Variants in MACROD2 observed in about 807,000 individuals in gnomAD.
MACROD2 encodes the protein mono-ADP ribosylhydrolase 2, also known as ADP-ribose glycohydrolase MACROD2.
In MACROD2, 36 loss-of-function variants were observed where a neutral mutation model predicts 70.4. That is an observed-to-expected ratio of 0.51 (90% CI 0.39 to 0.68). The LOEUF is 0.68. MACROD2 is among the 30% of genes least tolerant of loss of function. The pLI is 0.00. For synonymous variants in MACROD2, 172 were observed against 178.8 expected (o/e 0.96, Z 0.30); for missense variants, 496 against 538.4 (o/e 0.92, Z 0.78).
chr20:15,091,370 ATAAAAGTTTT>A (rs2075791789), intron 5 of MACROD2, among the ~76,000 whole-genome samples: 1 of 152,174 alleles, frequency 6.6e-6, no homozygotes, highest in Non-Finnish European at 1.5e-5. Context: ...AAAATGAAAA[ATAAAAGTTTT>A]TATGTGATCC....
At chr20:14,524,912 C>T (rs990003756) in intron 4 of MACROD2, among the ~76,000 whole-genome samples, 3 of 152,136 alleles carry the variant, frequency 2.0e-5, no homozygotes, top group South Asian at 2.1e-4. Context: ...AGAACTCGTT[C>T]ACCACACTAG....
intron 5 of MACROD2, chr20:14,758,059 T>C: frequency 1.6e-6 from 1 of 607,554 alleles, no homozygotes; most frequent in Non-Finnish European, 3.0e-6. Context: ...CTCAATAAAT[T>C]TGGAGAGGGT....
At chr20:15,760,554 T>C (rs1478808470) in intron 8 of MACROD2, among the ~76,000 whole-genome samples, 1 of 152,088 alleles carries the variant, frequency 6.6e-6, no homozygotes, top group East Asian at 1.9e-4. Flanking sequence ...ACCCCACGCA[T>C]TCCTTCCTTG....
intron 8 of MACROD2, among the ~76,000 whole-genome samples, chr20:15,620,456 T>C (rs1162074492): frequency 1.3e-5 from 2 of 152,162 alleles, no homozygotes; most frequent in Non-Finnish European, 2.9e-5. Flanking sequence ...CTCTTGCCCC[T>C]TGCCTCCTGG....
chr20:14,871,405 C>A (rs1221505196), intron 5 of MACROD2, among the ~76,000 whole-genome samples: 1 of 152,120 alleles, frequency 6.6e-6, no homozygotes, highest in Non-Finnish European at 1.5e-5. Flanking sequence ...CCCAGGATTT[C>A]ATATATGGCC....
chr20:14,068,088 A>T (rs2053789749), intron 2 of MACROD2, among the ~76,000 whole-genome samples: 1 of 152,234 alleles, frequency 6.6e-6, no homozygotes, highest in South Asian at 2.1e-4. Flanking sequence ...GTTCTTAAAG[A>T]TACAATGCTG....
intron 11 of MACROD2, among the ~76,000 whole-genome samples, chr20:15,935,939 T>G (rs1298959699): frequency 1.3e-5 from 2 of 152,130 alleles, no homozygotes; most frequent in African/African-American, 4.8e-5. Flanking sequence ...AAGTGATAGT[T>G]AAAATGAGAT....
At chr20:15,168,414 A>G (rs563377406) in intron 5 of MACROD2, among the ~76,000 whole-genome samples, 1 of 150,518 alleles carries the variant, frequency 6.6e-6, no homozygotes, top group Non-Finnish European at 1.5e-5. Context: ...GTCAGCTAAA[A>G]GCCTCTTCCT....
At chr20:16,026,577 G>T (rs2067083872) in intron 15 of MACROD2, among the ~76,000 whole-genome samples, 1 of 152,158 alleles carries the variant, frequency 6.6e-6, no homozygotes, top group African/African-American at 2.4e-5. Context: ...ACTAGTGATG[G>T]GGTGGAAATA....
chr20:14,330,557 G>A (rs576395224), intron 3 of MACROD2, among the ~76,000 whole-genome samples: 1 of 152,000 alleles, frequency 6.6e-6, no homozygotes, highest in Non-Finnish European at 1.5e-5. Flanking sequence ...GTTTCTTTTA[G>A]TTTGCTAACT....
chr20:14,132,515 G>A (rs925297115), intron 3 of MACROD2, among the ~76,000 whole-genome samples: 2 of 152,140 alleles, frequency 1.3e-5, no homozygotes, highest in African/African-American at 4.8e-5. Flanking sequence ...CATATAAACA[G>A]CAACACATTT....
intron 8 of MACROD2, among the ~76,000 whole-genome samples, chr20:15,634,382 T>C (rs960521998): frequency 1.3e-5 from 2 of 152,234 alleles, no homozygotes; most frequent in African/African-American, 2.4e-5. Context: ...AATGTCTTTA[T>C]TATTCATAAA....
intron 8 of MACROD2, among the ~76,000 whole-genome samples, chr20:15,782,074 A>G (rs2051843320): frequency 6.6e-6 from 1 of 152,124 alleles, no homozygotes; most frequent in Non-Finnish European, 1.5e-5. Flanking sequence ...CTTAAGTCAC[A>G]AGTCTAGAAA....
intron 5 of MACROD2, among the ~76,000 whole-genome samples, chr20:15,210,385 T>C (rs1216465226): frequency 6.6e-6 from 1 of 152,222 alleles, no homozygotes; most frequent in Non-Finnish European, 1.5e-5. Context: ...TCTGTTTTCC[T>C]GGTCTTATTT....
chr20:16,038,701 A>G (rs1035683304), intron 15 of MACROD2, among the ~76,000 whole-genome samples: 2 of 151,894 alleles, frequency 1.3e-5, no homozygotes, highest in Non-Finnish European at 2.9e-5. Flanking sequence ...GTCTATCCAT[A>G]TGTCATCTCT....
At chr20:15,726,212 T>C (rs116800990) in intron 8 of MACROD2, among the ~76,000 whole-genome samples, 4,403 of 152,228 alleles carry the variant, frequency 0.029, 217 homozygotes, top group African/African-American at 0.099. Context: ...TTAGTTCTCT[T>C]AGGATAATTG....
At chr20:14,255,929 A>C (rs1290263111) in intron 3 of MACROD2, among the ~76,000 whole-genome samples, 1 of 151,626 alleles carries the variant, frequency 6.6e-6, no homozygotes, top group Non-Finnish European at 1.5e-5. Flanking sequence ...TTCTTTTTGC[A>C]GTATTTCATA....
At chr20:14,714,442 A>G (rs2071374096) in intron 5 of MACROD2, among the ~76,000 whole-genome samples, 1 of 152,110 alleles carries the variant, frequency 6.6e-6, no homozygotes, top group African/African-American at 2.4e-5. Context: ...CAAAACATAA[A>G]TTATTGTCAC....
At chr20:14,141,132 G>A (rs2054867823) in intron 3 of MACROD2, among the ~76,000 whole-genome samples, 1 of 152,148 alleles carries the variant, frequency 6.6e-6, no homozygotes, top group South Asian at 2.1e-4. Flanking sequence ...CAGTGGCAAT[G>A]GAATTTTACA....
Sources: allele counts gnomAD v4.1 joint callset (sites outside exome capture counted in the v4.1 genomes callset), GRCh38; gene constraint gnomAD v4.1.1; transcripts MANE v1.5; gene names NCBI Gene and HGNC (gene_info 2026-07-23, HGNC 2026-07-21).